Variants in SNTG1 observed in about 807,000 individuals in gnomAD.
SNTG1 encodes the protein gamma-1-syntrophin.
Under a neutral mutation model 74.7 loss-of-function variants are expected in SNTG1, and 39 were observed. The ratio of observed to expected loss-of-function variants is 0.52; its 90% CI spans 0.40 to 0.68. The LOEUF (loss-of-function observed/expected upper bound fraction) is 0.68. SNTG1 is among the 30% of genes least tolerant of loss of function. The pLI, the probability that SNTG1 is intolerant of heterozygous loss-of-function variation, is 0.00. For synonymous variants in SNTG1, 254 were observed against 217.1 expected (o/e 1.17, Z -1.49); for missense variants, 685 against 609.5 (o/e 1.12, Z -1.30).
intron 2 of SNTG1, among the ~76,000 whole-genome samples, chr8:50,328,305 C>G (rs554807621): frequency 2.0e-5 from 3 of 152,296 alleles, no homozygotes; most frequent in East Asian, 3.9e-4. Context: ...ATTCAGAGTA[C>G]TAACTTCATG....
At chr8:50,387,738 G>C (rs4524809) in intron 2 of SNTG1, among the ~76,000 whole-genome samples, 143,854 of 152,262 alleles carry the variant, frequency 0.94, 68,244 homozygotes, top group Non-Finnish European at 1. Flanking sequence ...TGGAACACAC[G>C]TTTAATGGGT....
intron 2 of SNTG1, among the ~76,000 whole-genome samples, chr8:50,353,148 C>T (rs1168698796): frequency 6.6e-6 from 1 of 151,418 alleles, no homozygotes; most frequent in African/African-American, 2.4e-5. Context: ...AGCAAACTAT[C>T]GCAAGGACAA....
At chr8:49,980,626 A>G (rs1420183245) in intron 1 of SNTG1, among the ~76,000 whole-genome samples, 1 of 151,712 alleles carries the variant, frequency 6.6e-6, no homozygotes, top group Non-Finnish European at 1.5e-5. Context: ...ACTCGCAAGA[A>G]CAGTGTGTTC....
intron 1 of SNTG1, among the ~76,000 whole-genome samples, chr8:50,011,228 T>C (rs767919280): frequency 2.0e-4 from 31 of 152,154 alleles, no homozygotes; most frequent in African/African-American, 2.4e-5. Context: ...CTCTGACTCT[T>C]ACTAGCTTCT....
intron 2 of SNTG1, among the ~76,000 whole-genome samples, chr8:50,211,301 C>T (rs1302038801): frequency 6.6e-6 from 1 of 152,036 alleles, no homozygotes; most frequent in Non-Finnish European, 1.5e-5. Flanking sequence ...CTTAAATGCA[C>T]CCTTAGAAAC....
At chr8:50,084,048 A>G (rs1476974167) in intron 1 of SNTG1, among the ~76,000 whole-genome samples, 1 of 152,244 alleles carries the variant, frequency 6.6e-6, no homozygotes, top group Non-Finnish European at 1.5e-5. Context: ...TTATTGCTAT[A>G]GCCATTCTAA....
chr8:50,764,284 A>T (rs2095607921), intron 18 of SNTG1, among the ~76,000 whole-genome samples: 1 of 151,954 alleles, frequency 6.6e-6, no homozygotes, highest in African/African-American at 2.4e-5. Flanking sequence ...GATTATATCA[A>T]ACTCTAAAGC....
At chr8:50,105,439 A>T (rs750446532) in intron 1 of SNTG1, among the ~76,000 whole-genome samples, 1 of 151,980 alleles carries the variant, frequency 6.6e-6, no homozygotes, top group African/African-American at 2.4e-5. Context: ...GCCTTGAAGT[A>T]TAGTTTGAAT....
chr8:50,281,003 AAAAG>A (rs1554627467), intron 2 of SNTG1, among the ~76,000 whole-genome samples: 3 of 150,790 alleles, frequency 2.0e-5, no homozygotes, highest in Non-Finnish European at 3.0e-5. Flanking sequence ...AAAAAAAAAA[AAAAG>A]AAAGAAAGAA....
At chr8:50,474,252 G>C (rs2093677172) in intron 8 of SNTG1, among the ~76,000 whole-genome samples, 1 of 151,960 alleles carries the variant, frequency 6.6e-6, no homozygotes, top group Admixed American at 6.6e-5. Context: ...AACAGCTTCT[G>C]CACAGCAAAA....
intron 17 of SNTG1, among the ~76,000 whole-genome samples, chr8:50,713,783 G>A (rs2095468353): frequency 6.6e-6 from 1 of 152,058 alleles, no homozygotes; most frequent in African/African-American, 2.4e-5. Flanking sequence ...ATCCTGGCTG[G>A]GTGTGGTGGC....
chr8:50,140,590 T>A (rs1008791291), intron 1 of SNTG1, among the ~76,000 whole-genome samples: 3 of 152,106 alleles, frequency 2.0e-5, no homozygotes, highest in African/African-American at 7.2e-5. Context: ...GTTTATAGTA[T>A]GTGGATGTAA....
chr8:50,504,201 T>C (rs974704559), intron 9 of SNTG1, among the ~76,000 whole-genome samples: 3 of 152,200 alleles, frequency 2.0e-5, no homozygotes, highest in Non-Finnish European at 4.4e-5. Context: ...TGACATAGTA[T>C]TCCATGGTGT....
Position 50,303,766 on chromosome 8 carries a change from C to T in SNTG1, c.-27-90446C>T, listed in dbSNP as rs2089756423. ...ATTCATTTTATGCCTGATTGTAGAC[C>T]CTAGAACATCCTCTTCTGTGAGCTG... On this transcript the variant is annotated intron_variant, in intron 2 of 18. Coordinates refer to ENST00000642720, the MANE Select transcript of SNTG1 (RefSeq NM_018967.5). Among the ~76,000 whole-genome samples the T allele has an allele frequency of 2.0e-5, 3 of 151,836 alleles. No homozygotes were observed. In the South Asian group the frequency reaches 6.2e-4, roughly 32 times the overall value.
chr8:50,160,017 A>G (rs2082366623), intron 1 of SNTG1, among the ~76,000 whole-genome samples: 1 of 152,216 alleles, frequency 6.6e-6, no homozygotes, highest in Non-Finnish European at 1.5e-5. Flanking sequence ...ATTTTAATTC[A>G]GAACAATAAA....
intron 8 of SNTG1, among the ~76,000 whole-genome samples, chr8:50,475,204 G>T (rs1416378982): frequency 3.3e-5 from 5 of 150,972 alleles, no homozygotes; most frequent in Non-Finnish European, 7.4e-5. Flanking sequence ...TTGTGCATAT[G>T]TACCCTAAAA....
chr8:50,394,172 A>C, intron 2 of SNTG1, 40 bp from the exon 3 acceptor site: 1 of 1,529,152 alleles, frequency 6.5e-7, no homozygotes, highest in Non-Finnish European at 9.0e-7. Context: ...CTTACATGCC[A>C]TGCTGTGCCT....
At position 50,462,796 on chromosome 8, in the gene SNTG1, C is replaced by CTTTTT. The variant is rs869119447; in HGVS notation, c.363+12102_363+12106dup. 3.5e-3 allele frequency among the ~76,000 whole-genome samples: 201 copies of CTTTTT among 57,360 alleles called. 15 individuals carry two copies. The highest frequency in any genetic ancestry group is 5.4e-3 in the East Asian group (9 of 1,682). The allele number at this position is 57,360 out of a possible 152,430, so 37.6% of individuals were successfully genotyped here. A position where few individuals can be genotyped will look rare whatever the true frequency, so the allele number is the denominator to read the frequency against. On this transcript the variant is annotated intron_variant, in intron 8 of 18. Coordinates refer to ENST00000642720, the MANE Select transcript of SNTG1 (RefSeq NM_018967.5). ...CTCAGTCGCATCTTCAGGTTCTACT[C>CTTTTT]TTTTTTTTTTTTTTTTTTTTTTTTT...
intron 17 of SNTG1, among the ~76,000 whole-genome samples, chr8:50,744,578 G>T (rs1158890698): frequency 2.0e-5 from 3 of 151,888 alleles, no homozygotes; most frequent in Non-Finnish European, 1.5e-5. Flanking sequence ...AAAATTTTAA[G>T]GATCCCCAAA....
Sources: gnomAD v4.1 joint callset for allele counts (sites outside exome capture counted in the v4.1 genomes callset) on GRCh38, gnomAD v4.1.1 for gene constraint, MANE v1.5 for transcripts, NCBI Gene and HGNC (gene_info 2026-07-23, HGNC 2026-07-21) for gene names.